CACNA2D3: variants seen among roughly 807,000 people sequenced by gnomAD.
CACNA2D3 encodes the protein voltage-dependent calcium channel subunit alpha-2/delta-3.
A neutral mutation model predicts 160.6 loss-of-function variants in CACNA2D3; 60 were observed. That is an observed-to-expected ratio of 0.37 (90% CI 0.30 to 0.46). The LOEUF is 0.46. Ranked by LOEUF, CACNA2D3 falls within the 20% of genes least tolerant of loss-of-function variation. CACNA2D3 has a pLI of 1.00. For synonymous variants in CACNA2D3, 558 were observed against 492.9 expected (o/e 1.13, Z -1.75); for missense variants, 1,205 against 1,365.0 (o/e 0.88, Z 1.85).
chr3:54,401,253 C>T (rs1699458235), intron 4 of CACNA2D3, among the ~76,000 whole-genome samples: 1 of 152,018 alleles, frequency 6.6e-6, no homozygotes, highest in South Asian at 2.1e-4. Context: ...TATGAAATGC[C>T]ATCAAGTGAA....
chr3:54,736,138 T>C (rs1311072946), intron 11 of CACNA2D3, among the ~76,000 whole-genome samples: 3 of 82,634 alleles, frequency 3.6e-5, no homozygotes, highest in African/African-American at 1.4e-4. Context: ...TATGTATATA[T>C]ATACACACAC....
At position 54,140,424 on chromosome 3, in the gene CACNA2D3, C is replaced by A. The variant is rs147682853; in HGVS notation, c.204+16830C>A. Among the ~76,000 whole-genome samples, 136 of 152,310 alleles carry A rather than the reference C, an allele frequency of 8.9e-4. 3 individuals carry two copies. The East Asian group carries it at 0.025, about 27-fold the overall frequency. On this transcript the variant is annotated intron_variant, in intron 2 of 37. Coordinates refer to ENST00000474759, the MANE Select transcript of CACNA2D3 (RefSeq NM_018398.3). ...CCACTGCTCTCCCTGGGCTTCACAC[C>A]CTGCCCTCTTCCACTCGCCCCACTT... is the stretch of plus-strand genomic sequence containing the variant.
At chr3:55,054,960 A>T (rs1343844755) in intron 35 of CACNA2D3, among the ~76,000 whole-genome samples, 1 of 152,054 alleles carries the variant, frequency 6.6e-6, no homozygotes, top group Non-Finnish European at 1.5e-5. Flanking sequence ...TTTAGTTCTT[A>T]AAACTTTTCT....
chr3:54,658,399 G>A (rs868866967), intron 11 of CACNA2D3, among the ~76,000 whole-genome samples: 40 of 152,224 alleles, frequency 2.6e-4, no homozygotes, highest in Admixed American at 1.8e-3. Context: ...TCTCATTGTG[G>A]TTTTGATTTG....
intron 2 of CACNA2D3, among the ~76,000 whole-genome samples, chr3:54,269,483 A>C (rs1290361163): frequency 6.6e-6 from 1 of 152,222 alleles, no homozygotes; most frequent in African/African-American, 2.4e-5. Context: ...CTGGGGATGC[A>C]AAGCTAAACA....
At chr3:54,685,530 G>A (rs1407017662) in intron 11 of CACNA2D3, among the ~76,000 whole-genome samples, 1 of 152,202 alleles carries the variant, frequency 6.6e-6, no homozygotes, top group Non-Finnish European at 1.5e-5. Context: ...TTTTCTAGAA[G>A]CTGTATATTA....
intron 5 of CACNA2D3, among the ~76,000 whole-genome samples, chr3:54,560,793 T>C (rs1702312223): frequency 6.6e-6 from 1 of 152,242 alleles, no homozygotes; most frequent in African/African-American, 2.4e-5. Context: ...CTTCTACATA[T>C]GGCTAGCCAG....
At chr3:54,310,787 A>G (rs1398967389) in intron 2 of CACNA2D3, among the ~76,000 whole-genome samples, 3 of 152,206 alleles carry the variant, frequency 2.0e-5, no homozygotes, top group Admixed American at 1.3e-4. Context: ...CTCTGTGTTC[A>G]GCACTCTGCT....
At chr3:54,463,979 T>G (rs1022633352) in intron 4 of CACNA2D3, among the ~76,000 whole-genome samples, 9 of 152,232 alleles carry the variant, frequency 5.9e-5, no homozygotes, top group Non-Finnish European at 8.8e-5. Context: ...TTGTTAGTTT[T>G]CCTTCTACCA....
chr3:54,600,627 T>C (rs1559523128), intron 9 of CACNA2D3, among the ~76,000 whole-genome samples: 1 of 152,180 alleles, frequency 6.6e-6, no homozygotes, highest in Non-Finnish European at 1.5e-5. Flanking sequence ...TGCAGATTGC[T>C]GAGTAACCAA....
At chr3:54,174,004 G>T (rs943670739) in intron 2 of CACNA2D3, among the ~76,000 whole-genome samples, 1 of 152,300 alleles carries the variant, frequency 6.6e-6, no homozygotes, top group Non-Finnish European at 1.5e-5. Flanking sequence ...ATTGGAGCTG[G>T]TCCTTGCTCT....
intron 5 of CACNA2D3, among the ~76,000 whole-genome samples, chr3:54,543,030 T>C (rs934465856): frequency 2.0e-5 from 3 of 152,226 alleles, no homozygotes. Flanking sequence ...GACACAGGCT[T>C]CACCTCTCAG....
chr3:54,830,810 C>G (rs1359829736), intron 14 of CACNA2D3, among the ~76,000 whole-genome samples: 1 of 152,068 alleles, frequency 6.6e-6, no homozygotes, highest in Non-Finnish European at 1.5e-5. Flanking sequence ...GGCCCATACT[C>G]TGGAAATGGC....
chr3:54,839,901 C>T (rs1296095611), intron 16 of CACNA2D3, among the ~76,000 whole-genome samples: 1 of 152,118 alleles, frequency 6.6e-6, no homozygotes, highest in Admixed American at 6.5e-5. Context: ...CATGAAAGGA[C>T]ATTTCATTGA....
intron 2 of CACNA2D3, among the ~76,000 whole-genome samples, chr3:54,185,999 C>G (rs1700873463): frequency 6.6e-6 from 1 of 152,194 alleles, no homozygotes; most frequent in Non-Finnish European, 1.5e-5. Flanking sequence ...CATCCTCCCC[C>G]AGATCTCTAT....
intron 35 of CACNA2D3, among the ~76,000 whole-genome samples, chr3:55,043,199 G>T (rs927511002): frequency 6.6e-6 from 1 of 152,082 alleles, no homozygotes; most frequent in Non-Finnish European, 1.5e-5. Flanking sequence ...GTTTTACATA[G>T]TATCTGTACC....
At chr3:54,345,631 A>C (rs1698442363) in intron 3 of CACNA2D3, among the ~76,000 whole-genome samples, 2 of 152,134 alleles carry the variant, frequency 1.3e-5, no homozygotes, top group Admixed American at 6.5e-5. Flanking sequence ...AGAGGCATCA[A>C]GGAGAACAGG....
chr3:55,049,117 A>AT lies in CACNA2D3; in HGVS notation c.2988-24324dup, dbSNP rs1704129318. 2.6e-5 allele frequency among the ~76,000 whole-genome samples: 4 copies of AT among 151,196 alleles called. No homozygotes were observed. The South Asian group carries it at 8.4e-4, about 32-fold the overall frequency. On this transcript the variant is annotated intron_variant, in intron 35 of 37. Coordinates refer to ENST00000474759, the MANE Select transcript of CACNA2D3 (RefSeq NM_018398.3). ...CCCTGTTTCCTTCCGTTCTGCTCTG[A>AT]TTTTAGTTATTTCTTCCCTTCTGCT...
chr3:54,949,824 T>G (rs556856881), intron 27 of CACNA2D3, among the ~76,000 whole-genome samples: 5 of 152,348 alleles, frequency 3.3e-5, no homozygotes, highest in African/African-American at 1.2e-4. Context: ...TGATTCTTTC[T>G]GAAAACTGGG....
Sources: allele counts gnomAD v4.1 joint callset (sites outside exome capture counted in the v4.1 genomes callset), GRCh38; gene constraint gnomAD v4.1.1; transcripts MANE v1.5; gene names NCBI Gene and HGNC (gene_info 2026-07-23, HGNC 2026-07-21).